The following AKAP7 variants were observed in gnomAD, a reference collection of about 807,000 sequenced individuals.
AKAP7 encodes A-kinase anchoring protein 7.
AKAP7 carries 39 observed loss-of-function variants against 39.5 expected under a neutral mutation model. The ratio of observed to expected loss-of-function variants is 0.99; its 90% confidence interval spans 0.76 to 1.29. AKAP7 has a LOEUF of 1.29. AKAP7 is among the 50% of genes most tolerant of loss of function. AKAP7 has a pLI of 0.00. For synonymous variants in AKAP7, 140 were observed against 139.1 expected, an observed-to-expected ratio of 1.01 and a Z score of -0.05; for missense variants, 414 against 407.7, an observed-to-expected ratio of 1.02 and a Z score of -0.13.
At chr6:131,161,229 A>G (rs1802910752) in intron 3 of AKAP7, among the ~76,000 whole-genome samples, 1 of 152,206 alleles carries the variant, frequency 6.6e-6, no homozygotes, top group South Asian at 2.1e-4. Context: ...TGGGGAGAAG[A>G]TATACATAAC....
rs1804374700 is a variant in AKAP7 at position 131,174,421 on chromosome 6, G to C, written c.589+5148G>C. Among the ~76,000 whole-genome samples, 3 of 152,208 alleles carry C rather than the reference G, an allele frequency of 2.0e-5. No individual in the cohort carries two copies. In the South Asian group the frequency reaches 6.2e-4, roughly 31 times the overall value. The stretch of plus-strand genomic sequence containing the variant: ...TTTTTGTCAATATTTTACTTCTTTA[G>C]ATATATTTTTAAAAGAATGCCTCAG... On this transcript the variant is annotated intron_variant, in intron 5 of 7. Transcript: ENST00000431975.
At position 131,183,052 on chromosome 6, in the gene AKAP7, C is replaced by A. The variant is rs543690253; in HGVS notation, c.589+13779C>A. ...GGAAATCTTAGGATGAAAAGGCCTT[C>A]TTAATGGAGAGAGGCAGGAGATAAA... On this transcript the variant is annotated intron_variant, in intron 5 of 7. Transcript: ENST00000431975. 1.0e-3 allele frequency among the ~76,000 whole-genome samples: 154 copies of A among 152,206 alleles called. 5 individuals carry two copies. The South Asian group carries it at 0.031, about 31-fold the overall frequency.
chr6:131,209,728 G>A (rs953310359), intron 6 of AKAP7, among the ~76,000 whole-genome samples: 4 of 151,662 alleles, frequency 2.6e-5, no homozygotes, highest in Non-Finnish European at 2.9e-5. Flanking sequence ...TTTTCTCAGC[G>A]AGTCGTTTTT....
At chr6:131,253,681 T>C (rs560733373) in intron 7 of AKAP7, among the ~76,000 whole-genome samples, 39 of 152,010 alleles carry the variant, frequency 2.6e-4, no homozygotes, top group African/African-American at 8.9e-4. Context: ...TTTATTTATT[T>C]ATTTATTTAT....
chr6:131,233,009 G>T (rs575016217), intron 7 of AKAP7, among the ~76,000 whole-genome samples: 1 of 151,410 alleles, frequency 6.6e-6, no homozygotes, highest in South Asian at 2.1e-4. Context: ...CAAAAGTAAA[G>T]ATGCTTATAT....
chr6:131,184,003 A>C (rs563811766), intron 5 of AKAP7, among the ~76,000 whole-genome samples: 3 of 152,270 alleles, frequency 2.0e-5, no homozygotes, highest in Admixed American at 2.0e-4. Flanking sequence ...TCTTTCTAGG[A>C]GGACACTGTT....
At chr6:131,183,689 T>A (rs1805511551) in intron 5 of AKAP7, among the ~76,000 whole-genome samples, 1 of 152,068 alleles carries the variant, frequency 6.6e-6, no homozygotes, top group South Asian at 2.1e-4. Flanking sequence ...AAGGTGAAGC[T>A]GCTGCTCCCC....
At position 131,150,999 on chromosome 6, in the gene AKAP7, C is replaced by G. The variant is rs1008988936; in HGVS notation, c.151+5583C>G. Among the ~76,000 whole-genome samples, 4 of 152,038 alleles carry G rather than the reference C, an allele frequency of 2.6e-5. No homozygotes were observed. In the East Asian group the frequency reaches 7.7e-4, roughly 29 times the overall value. On this transcript the variant is annotated intron_variant, in intron 2 of 7. Transcript: ENST00000431975. ...TAATAATAATATTGAGCTCCTCCAG[C>G]ACATTGCTAAATGCTTTACATTTTC...
At chr6:131,262,231 C>G (rs1481180572) in intron 7 of AKAP7, among the ~76,000 whole-genome samples, 6 of 152,140 alleles carry the variant, frequency 3.9e-5, no homozygotes, top group Non-Finnish European at 8.8e-5. Context: ...TAGCAAAGGG[C>G]AAGATCCTGT....
Position 131,169,185 on chromosome 6 carries a change from C to A in AKAP7, c.501C>A (p.Pro167=), listed in dbSNP as rs373866206. The A allele has an allele frequency of 8.3e-5, 134 of 1,613,912 alleles. No homozygotes were observed. The highest frequency in any genetic ancestry group is 2.0e-4 in the Admixed American group (12 of 59,998). ...TCCAGGGAAAACATTTGACTTTGCC[C>A]TTTCAAGGGATTGGTACTTTTGGAA... ...ELLQGKHLTL[P]FQGIGTFGNQ... is the part of the protein sequence containing the mutation. The change falls in exon 5 of 8, where the codon CCC becomes CCA. Residue 167 remains proline (P), a synonymous_variant. Coordinates refer to ENST00000431975, the MANE Select transcript of AKAP7 (RefSeq NM_016377.4).
intron 1 of AKAP7, among the ~76,000 whole-genome samples, chr6:131,140,177 C>T (rs906682959): frequency 7.9e-5 from 12 of 152,156 alleles, no homozygotes; most frequent in African/African-American, 2.9e-4. Flanking sequence ...CGGAATTACT[C>T]TGCAGAGGTT....
intron 7 of AKAP7, among the ~76,000 whole-genome samples, chr6:131,257,805 C>T (rs924744137): frequency 6.6e-6 from 1 of 152,114 alleles, no homozygotes; most frequent in African/African-American, 2.4e-5. Flanking sequence ...GTGTCTGAGC[C>T]TCTGAGTTCA....
intron 2 of AKAP7, among the ~76,000 whole-genome samples, chr6:131,148,330 G>A (rs1166218329): frequency 6.6e-6 from 1 of 152,112 alleles, no homozygotes; most frequent in African/African-American, 2.4e-5. Flanking sequence ...TGACTTTTGT[G>A]GGAAGATGGA....
chr6:131,264,511 G>T (rs545335752), intron 7 of AKAP7, among the ~76,000 whole-genome samples: 157 of 152,264 alleles, frequency 1.0e-3, no homozygotes, highest in African/African-American at 3.5e-3. Flanking sequence ...GAAATATATT[G>T]TATAAAGTGA....
the AKAP7 span, among the ~76,000 whole-genome samples, chr6:131,127,929 A>G: frequency 6.6e-6 from 1 of 152,232 alleles, no homozygotes; most frequent in Non-Finnish European, 1.5e-5. Flanking sequence ...ACAGGAACAG[A>G]AAACCAAATA....
chr6:131,165,290 A>G, intron 4 of AKAP7, 73 bp downstream of exon 4: 1 of 1,121,496 alleles, frequency 8.9e-7, no homozygotes, highest in Non-Finnish European at 1.3e-6. Flanking sequence ...AGCAGAACCC[A>G]AAGAGACATT....
At position 131,247,471 on chromosome 6, in the gene AKAP7, G is replaced by A. The variant is rs1359810240; in HGVS notation, c.850+27663G>A. On this transcript the variant is annotated intron_variant, in intron 7 of 7. Transcript: ENST00000431975. ...CTCCCGAGTAGCTGGGACTACAGGC[G>A]TGCACCACCATGCCTGGTTAATTTT... Among the ~76,000 whole-genome samples, 13 of 150,136 alleles carry A rather than the reference G, an allele frequency of 8.7e-5. No homozygotes were observed. The East Asian group carries it at 1.4e-3, about 16-fold the overall frequency.
Position 131,241,619 on chromosome 6 carries a change from GTGTGTGTGTA to G in AKAP7, c.850+21813_850+21822del, listed in dbSNP as rs1031972182. Among the ~76,000 whole-genome samples, 4 of 70,976 alleles carry G rather than the reference GTGTGTGTGTA, an allele frequency of 5.6e-5. 1 individual carries two copies. Among genetic ancestry groups the G allele is most frequent in the Non-Finnish European group, 1.4e-4 (4 of 28,634 alleles). 46.6% of individuals were successfully genotyped at this position (70,976 alleles called of 152,430 possible). On this transcript the variant is annotated intron_variant, in intron 7 of 7. Transcript: ENST00000431975. ...TGTGTGTGTGTGTGTGTGTGTGTGT[GTGTGTGTGTA>G]TATATATATGACAGTTATAGGATTC...
At chr6:131,201,997 A>G (rs1018815772) in intron 6 of AKAP7, among the ~76,000 whole-genome samples, 13 of 152,214 alleles carry the variant, frequency 8.5e-5, no homozygotes, top group Non-Finnish European at 1.5e-4. Flanking sequence ...GCAGCCAAAA[A>G]ACACATGAAA....
Sources: allele counts gnomAD v4.1 joint callset (sites outside exome capture counted in the v4.1 genomes callset), GRCh38; gene constraint gnomAD v4.1.1; transcripts MANE v1.5; gene names NCBI Gene and HGNC (gene_info 2026-07-23, HGNC 2026-07-21).